CDH7: variants seen among roughly 807,000 people sequenced by gnomAD.
The protein encoded by CDH7 is cadherin 7.
A neutral mutation model predicts 71.8 loss-of-function variants in CDH7; 25 were observed. That is an observed-to-expected ratio of 0.35 (90% CI 0.25 to 0.49). The LOEUF (loss-of-function observed/expected upper bound fraction) is 0.49. CDH7 is among the 20% of genes least tolerant of loss of function. The pLI, the probability that CDH7 is intolerant of heterozygous loss-of-function variation, is 0.99. For synonymous variants in CDH7, 381 were observed against 363.8 expected, an observed-to-expected ratio of 1.05 and a Z score of -0.54; for missense variants, 862 against 974.6, an observed-to-expected ratio of 0.88 and a Z score of 1.54.
At chr18:65,810,459 CTAATATTTGGAT>C (rs2143908095) in intron 3 of CDH7, among the ~76,000 whole-genome samples, 1 of 152,234 alleles carries the variant, frequency 6.6e-6, no homozygotes, top group South Asian at 2.1e-4. Context: ...GCTATCCAGG[CTAATATTTGGAT>C]TAATATTTGG....
At chr18:65,830,772 T>C (rs1912323018) in intron 6 of CDH7, among the ~76,000 whole-genome samples, 1 of 150,804 alleles carries the variant, frequency 6.6e-6, no homozygotes, top group Admixed American at 6.6e-5. Flanking sequence ...CTCTCTTTTC[T>C]TATTCTTTCT....
intron 2 of CDH7, chr18:65,803,092 C>T (rs867097570): frequency 6.6e-6 from 1 of 152,106 alleles, no homozygotes; most frequent in Non-Finnish European, 1.5e-5. Context: ...CGTCAACATT[C>T]AAAGCCAATT....
At position 65,752,141 on chromosome 18, in the gene CDH7, G is replaced by C. The variant is rs867799590; in HGVS notation, c.-197+991G>C. 2.0e-5 allele frequency among the ~76,000 whole-genome samples: 3 copies of C among 152,186 alleles called. No individual in the cohort carries two copies. In the South Asian group the frequency reaches 6.2e-4, roughly 31 times the overall value. The stretch of plus-strand genomic sequence containing the variant: ...ATCGTTTATTAAGTGAGACCTTTAC[G>C]TAAGACTTGTCCTCATAATTTCTGT... On this transcript the variant is annotated intron_variant, in intron 1 of 11. Coordinates refer to ENST00000397968, the MANE Select transcript of CDH7 (RefSeq NM_004361.5).
At chr18:65,752,779 T>C (rs917896875) in intron 1 of CDH7, among the ~76,000 whole-genome samples, 7 of 152,274 alleles carry the variant, frequency 4.6e-5, no homozygotes, top group Admixed American at 1.3e-4. Flanking sequence ...CGAGTCTGTC[T>C]GAGGAAAGAA....
chr18:65,883,008 G>T lies in CDH7; in HGVS notation c.*2114G>T, dbSNP rs1481319854. ...CATACCACTAAACGGAGGTGTGGAT[G>T]TATTTTAGAAAAGGAACACACATCA... is the stretch of plus-strand genomic sequence containing the variant. On this transcript the variant is annotated 3_prime_UTR_variant, in exon 12 of 12. Transcript: ENST00000397968. The T allele has an allele frequency of 6.6e-6, 1 of 152,064 alleles. No individual in the cohort carries two copies. The highest frequency in any genetic ancestry group is 1.5e-5 in the Non-Finnish European group (1 of 67,964). 9.4% of individuals were successfully genotyped at this position (152,064 alleles called of 1,614,324 possible).
chr18:65,790,730 G>A (rs115383350), intron 2 of CDH7, among the ~76,000 whole-genome samples: 242 of 152,250 alleles, frequency 1.6e-3, no homozygotes, highest in African/African-American at 5.7e-3. Flanking sequence ...TTAGCCTGAT[G>A]TGGTGTTGCA....
chr18:65,841,717 T>A (rs1912740307), intron 6 of CDH7, among the ~76,000 whole-genome samples: 1 of 152,134 alleles, frequency 6.6e-6, no homozygotes, highest in Non-Finnish European at 1.5e-5. Context: ...GAGGATTTGC[T>A]TCAGAATCAC....
At chr18:65,870,060 CTA>C (rs772718077) in intron 11 of CDH7, among the ~76,000 whole-genome samples, 1 of 151,954 alleles carries the variant, frequency 6.6e-6, no homozygotes, top group Non-Finnish European at 1.5e-5. Flanking sequence ...AGCCATGGAA[CTA>C]TATAAGGGCT....
intron 2 of CDH7, among the ~76,000 whole-genome samples, chr18:65,771,811 GAA>G (rs570768932): frequency 6.6e-6 from 1 of 151,644 alleles, no homozygotes; most frequent in Non-Finnish European, 1.5e-5. Context: ...CCATGCAAAC[GAA>G]AAAAAAGAGA....
At position 65,882,490 on chromosome 18, in the gene CDH7, G is replaced by A. The variant is rs1914259548; in HGVS notation, c.*1596G>A. On this transcript the variant is annotated 3_prime_UTR_variant, in exon 12 of 12. Transcript: ENST00000397968. ...AAGTGCTTTTTGAAAGGTAGACAGT[G>A]GAATTAGAATATTAATATGTTGATT... 1 of 152,014 alleles carries A rather than the reference G, an allele frequency of 6.6e-6. No individual in the cohort carries two copies. The highest frequency in any genetic ancestry group is 2.4e-5 in the African/African-American group (1 of 41,426). The allele number at this position is 152,014 out of a possible 1,614,324, so 9.4% of individuals were successfully genotyped here.
chr18:65,761,107 A>G (rs1252006884), intron 1 of CDH7, among the ~76,000 whole-genome samples: 1 of 152,208 alleles, frequency 6.6e-6, no homozygotes, highest in African/African-American at 2.4e-5. Flanking sequence ...TTCTCTGCAC[A>G]GGGTGCAGTT....
chr18:65,766,809 A>C (rs1004761790), intron 2 of CDH7, among the ~76,000 whole-genome samples: 5 of 144,076 alleles, frequency 3.5e-5, no homozygotes, highest in Admixed American at 7.6e-5. Context: ...ATTTCATTGG[A>C]TCGCACTGCA....
chr18:65,844,174 G>GATAGATATATATATATATATATAT (rs145270355), intron 7 of CDH7, 109 bp downstream of exon 7: 5 of 222,152 alleles, frequency 2.3e-5, no homozygotes, highest in African/African-American at 1.2e-4. Context: ...ATAAAAACCA[G>GATAGATATATATATATATATATAT]ATATATATAT....
chr18:65,849,339 T>TTTTTC (rs71167161), intron 7 of CDH7, among the ~76,000 whole-genome samples: 2,061 of 81,796 alleles, frequency 0.025, 21 homozygotes, highest in South Asian at 0.043. Flanking sequence ...TAGCCTTTCC[T>TTTTTC]TTTTCTTTTC....
At chr18:65,782,176 T>TTCC (rs1422502931) in intron 2 of CDH7, among the ~76,000 whole-genome samples, 5 of 134,644 alleles carry the variant, frequency 3.7e-5, no homozygotes, top group African/African-American at 9.8e-5. Flanking sequence ...CTTTCTTTCT[T>TTCC]TCTTTCTTTC....
intron 2 of CDH7, among the ~76,000 whole-genome samples, chr18:65,770,403 A>G (rs532685202): frequency 6.6e-6 from 1 of 152,212 alleles, no homozygotes; most frequent in African/African-American, 2.4e-5. Flanking sequence ...TTGTTTTGGA[A>G]TAATAAACAC....
intron 11 of CDH7, among the ~76,000 whole-genome samples, chr18:65,867,924 C>G (rs1913814013): frequency 6.6e-6 from 1 of 152,218 alleles, no homozygotes; most frequent in African/African-American, 2.4e-5. Context: ...TGTCATGCAT[C>G]TTTTCACTTT....
chr18:65,816,339 T>C (rs1384946697), intron 4 of CDH7, among the ~76,000 whole-genome samples: 1 of 152,132 alleles, frequency 6.6e-6, no homozygotes, highest in East Asian at 1.9e-4. Flanking sequence ...AAATTGCATG[T>C]TTTTCTGACT....
At chr18:65,804,597 C>T (rs1340988337) in intron 2 of CDH7, among the ~76,000 whole-genome samples, 1 of 151,918 alleles carries the variant, frequency 6.6e-6, no homozygotes, top group African/African-American at 2.4e-5. Context: ...TTGGGCTCTA[C>T]AATCTTTAAT....
Sources: allele counts gnomAD v4.1 joint callset (sites outside exome capture counted in the v4.1 genomes callset), GRCh38; gene constraint gnomAD v4.1.1; transcripts MANE v1.5; gene names NCBI Gene and HGNC (gene_info 2026-07-23, HGNC 2026-07-21).